Variants in SLC24A3 observed in about 807,000 individuals in gnomAD.
SLC24A3 encodes sodium/potassium/calcium exchanger 3.
Under a neutral mutation model 75.8 loss-of-function variants are expected in SLC24A3, and 28 were observed. The observed-to-expected ratio is 0.37, with a 90% CI of 0.27 to 0.51. The LOEUF (loss-of-function observed/expected upper bound fraction) is 0.51, where lower values mean the gene tolerates loss of function less well. Ranked by LOEUF, SLC24A3 falls within the 20% of genes least tolerant of loss-of-function variation. The pLI is 0.94. For missense variants in SLC24A3, 663 were observed against 847.8 expected, an observed-to-expected ratio of 0.78 and a Z score of 2.71; for synonymous variants, 372 against 334.1, an observed-to-expected ratio of 1.11 and a Z score of -1.24.
chr20:19,603,683 T>C (rs1344460890), intron 6 of SLC24A3, among the ~76,000 whole-genome samples: 1 of 152,218 alleles, frequency 6.6e-6, no homozygotes, highest in Admixed American at 6.5e-5. Flanking sequence ...TTCCCTTCAG[T>C]TCTTTTTTTA....
intron 2 of SLC24A3, among the ~76,000 whole-genome samples, chr20:19,439,523 A>T (rs956537845): frequency 6.6e-5 from 10 of 152,326 alleles, no homozygotes; most frequent in Non-Finnish European, 1.5e-4. Context: ...TTTATATCCC[A>T]TGTAACTCCA....
chr20:19,502,593 C>T (rs1988400042), intron 2 of SLC24A3, among the ~76,000 whole-genome samples: 2 of 152,102 alleles, frequency 1.3e-5, no homozygotes, highest in African/African-American at 4.8e-5. Flanking sequence ...AAACCTAAAA[C>T]CACCTCTGGC....
At chr20:19,586,412 C>A (rs2031296581) in intron 6 of SLC24A3, among the ~76,000 whole-genome samples, 1 of 152,182 alleles carries the variant, frequency 6.6e-6, no homozygotes, top group Non-Finnish European at 1.5e-5. Context: ...CTTACAATAT[C>A]AAGGAACCTG....
chr20:19,680,103 AGTGT>A (rs1202752078), intron 9 of SLC24A3, among the ~76,000 whole-genome samples: 1 of 125,288 alleles, frequency 8.0e-6, no homozygotes, highest in Non-Finnish European at 1.6e-5. Flanking sequence ...TGTGTGTGCG[AGTGT>A]GTGTCTGTGT....
At chr20:19,380,600 G>A (rs942231341) in intron 2 of SLC24A3, among the ~76,000 whole-genome samples, 6 of 152,092 alleles carry the variant, frequency 3.9e-5, no homozygotes, top group Admixed American at 2.0e-4. Context: ...CTGGGTTTGG[G>A]GGCTCTTGGC....
chr20:19,464,946 T>C (rs1425054293), intron 2 of SLC24A3, among the ~76,000 whole-genome samples: 7 of 152,242 alleles, frequency 4.6e-5, no homozygotes, highest in Admixed American at 4.6e-4. Flanking sequence ...AGTGGATCTT[T>C]CTGGAGTGAT....
chr20:19,506,023 C>A (rs371667036), intron 2 of SLC24A3, among the ~76,000 whole-genome samples: 3 of 152,204 alleles, frequency 2.0e-5, no homozygotes, highest in East Asian at 3.8e-4. Context: ...TAAGCATCAT[C>A]ATCAATCCTC....
chr20:19,246,427 G>A (rs879728663), intron 1 of SLC24A3, among the ~76,000 whole-genome samples: 2 of 151,972 alleles, frequency 1.3e-5, no homozygotes, highest in Admixed American at 6.6e-5. Flanking sequence ...AGCTTGATCC[G>A]CAAAAATGAA....
At chr20:19,586,147 G>A (rs1036124124) in intron 6 of SLC24A3, among the ~76,000 whole-genome samples, 10 of 152,232 alleles carry the variant, frequency 6.6e-5, no homozygotes, top group Admixed American at 2.0e-4. Context: ...GAATACTGGC[G>A]TCTGTTTTGG....
At chr20:19,590,666 A>C (rs1382446468) in intron 6 of SLC24A3, among the ~76,000 whole-genome samples, 1 of 152,218 alleles carries the variant, frequency 6.6e-6, no homozygotes, top group African/African-American at 2.4e-5. Context: ...GAAGTGCAGG[A>C]GTAGACCAAG....
intron 2 of SLC24A3, among the ~76,000 whole-genome samples, chr20:19,495,295 C>CTTTGCA (rs948520372): frequency 1.3e-5 from 2 of 152,228 alleles, no homozygotes; most frequent in African/African-American, 4.8e-5. Context: ...CCTGCCTGTA[C>CTTTGCA]TTTGCATTGG....
chr20:19,694,656 G>A (rs1302414657), intron 13 of SLC24A3: 1 of 152,156 alleles, frequency 6.6e-6, no homozygotes, highest in African/African-American at 2.4e-5. Context: ...GATTTTCTGT[G>A]CAGCCCCCTA....
intron 2 of SLC24A3, among the ~76,000 whole-genome samples, chr20:19,399,504 G>T (rs912532495): frequency 3.3e-5 from 5 of 152,084 alleles, no homozygotes; most frequent in African/African-American, 1.2e-4. Context: ...TTGACAAATT[G>T]ATTATTTAGA....
intron 9 of SLC24A3, 146 bp from the exon 10 acceptor site, chr20:19,681,712 G>A: frequency 8.0e-7 from 1 of 1,247,272 alleles, no homozygotes; most frequent in East Asian, 2.4e-5. Flanking sequence ...GAGGGGGAAT[G>A]GGTTGAGAAA....
At chr20:19,682,060 C>T (rs2032621681) in intron 10 of SLC24A3, 69 bp downstream of exon 10, 1 of 1,535,238 alleles carries the variant, frequency 6.5e-7, no homozygotes, top group East Asian at 2.3e-5. Context: ...CAAGACCAGC[C>T]TGGCCAACAT....
intron 2 of SLC24A3, among the ~76,000 whole-genome samples, chr20:19,325,819 G>T (rs1394071093): frequency 8.8e-5 from 10 of 113,128 alleles, no homozygotes; most frequent in African/African-American, 4.4e-4. Context: ...GAGAGAGAGA[G>T]AGAGAGAGAG....
At chr20:19,491,592 G>A (rs1218983254) in intron 2 of SLC24A3, among the ~76,000 whole-genome samples, 1 of 152,100 alleles carries the variant, frequency 6.6e-6, no homozygotes, top group Non-Finnish European at 1.5e-5. Flanking sequence ...ATCACATTCT[G>A]GCACCCCCCA....
intron 1 of SLC24A3, among the ~76,000 whole-genome samples, chr20:19,242,994 T>C (rs1034161741): frequency 1.3e-5 from 2 of 152,246 alleles, no homozygotes; most frequent in Non-Finnish European, 2.9e-5. Flanking sequence ...AAGTTCAATA[T>C]TTTTATCATT....
chr20:19,424,492 C>A (rs925601106), intron 2 of SLC24A3, among the ~76,000 whole-genome samples: 10 of 151,994 alleles, frequency 6.6e-5, no homozygotes, highest in Non-Finnish European at 1.3e-4. Flanking sequence ...GAGTTCAAGA[C>A]CAGCCTGGCC....
Sources: gnomAD v4.1 joint callset for allele counts (sites outside exome capture counted in the v4.1 genomes callset) on GRCh38, gnomAD v4.1.1 for gene constraint, MANE v1.5 for transcripts, NCBI Gene and HGNC (gene_info 2026-07-23, HGNC 2026-07-21) for gene names.